MAPK6: variants seen among roughly 807,000 people sequenced by gnomAD.
MAPK6 encodes the protein mitogen-activated protein kinase 6.
In MAPK6, 19 loss-of-function variants were observed where a neutral mutation model predicts 59.3. The ratio of observed to expected loss-of-function variants is 0.32; its 90% CI spans 0.22 to 0.47. The LOEUF (loss-of-function observed/expected upper bound fraction) is 0.47, where lower values mean the gene tolerates loss of function less well. Ranked by LOEUF, MAPK6 falls within the 20% of genes least tolerant of loss-of-function variation. The pLI, the probability that MAPK6 is intolerant of heterozygous loss-of-function variation, is 1.00. For missense variants in MAPK6, 724 were observed against 847.9 expected (o/e 0.85, Z 1.81); for synonymous variants, 316 against 290.3 (o/e 1.09, Z -0.90).
chr15:52,035,182 C>T (rs2031195110), intron 1 of MAPK6, among the ~76,000 whole-genome samples: 1 of 152,234 alleles, frequency 6.6e-6, no homozygotes, highest in South Asian at 2.1e-4. Context: ...ATCTGTCTTA[C>T]ATTCTTTGAA....
chr15:51,975,101 G>A lies in MAPK6; in HGVS notation c.-880+3195G>A, dbSNP rs866357462. On this transcript the variant is annotated intron_variant, in intron 1 of 7. Coordinates refer to the MAPK6 transcript ENST00000691380. ...TCGTTCTTTCAGTTTTTGAAAGAAC[G>A]TTCTGCTTTCATAAGGTGAAGCTAG... 5.3e-5 allele frequency among the ~76,000 whole-genome samples: 8 copies of A among 151,792 alleles called. 1 individual carries two copies. The highest frequency in any genetic ancestry group is 1.7e-4 in the African/African-American group (7 of 41,414).
At position 52,000,667 on chromosome 15, in the gene MAPK6, A is replaced by G. The variant is rs374073217; in HGVS notation, c.-769-3598A>G. ...CTGAAAATACAAAAATTAGCCGGGCATGGTGCCACACACCTGTAGTCCCAG... is the reference window on the plus strand; with the variant it reads ...CTGAAAATACAAAAATTAGCCGGGCGTGGTGCCACACACCTGTAGTCCCAG... On this transcript the variant is annotated intron_variant, in intron 2 of 7. Coordinates refer to the MAPK6 transcript ENST00000691380. Among the ~76,000 whole-genome samples, 11 of 152,190 alleles carry G rather than the reference A, an allele frequency of 7.2e-5. No homozygotes were observed. In the East Asian group the frequency reaches 1.5e-3, roughly 21 times the overall value.
At chr15:52,016,062 GCGCGCGCGCACACACA>G (rs1219707666), upstream of MAPK6, among the ~76,000 whole-genome samples, 5 of 59,100 alleles carry the variant, frequency 8.5e-5, no homozygotes, top group East Asian at 4.6e-4. Context: ...TCGCGCGCGC[GCGCGCGCGCACACACA>G]CACACACACA....
intron 2 of MAPK6, among the ~76,000 whole-genome samples, chr15:52,049,351 ATTT>A (rs60965378): frequency 2.5e-4 from 27 of 109,724 alleles, no homozygotes; most frequent in Admixed American, 4.8e-4. Context: ...GAGTTATATA[ATTT>A]TTTTTTTTTT....
chr15:52,016,070 GCACACACACACACACA>G (rs1175427042), upstream of MAPK6, among the ~76,000 whole-genome samples: 24 of 55,444 alleles, frequency 4.3e-4, no homozygotes, highest in South Asian at 5.5e-3. Context: ...GCGCGCGCGC[GCACACACACACACACA>G]CACACACACA....
chr15:52,005,522 C>T (rs1191519760), intron 3 of MAPK6, among the ~76,000 whole-genome samples: 6 of 149,768 alleles, frequency 4.0e-5, no homozygotes, highest in African/African-American at 1.5e-4. Context: ...AGTGACATTC[C>T]ATCTCAAAAA....
chr15:52,050,627 C>G (rs953484185), intron 3 of MAPK6, among the ~76,000 whole-genome samples: 1 of 152,116 alleles, frequency 6.6e-6, no homozygotes, highest in Non-Finnish European at 1.5e-5. Flanking sequence ...TGTCATAAAG[C>G]AAAGCATAGG....
intron 3 of MAPK6, among the ~76,000 whole-genome samples, chr15:52,009,285 C>G (rs1351882002): frequency 6.6e-6 from 1 of 152,178 alleles, no homozygotes; most frequent in African/African-American, 2.4e-5. Flanking sequence ...CCAGGTTGTT[C>G]TCAAAATCTG....
intron 1 of MAPK6, among the ~76,000 whole-genome samples, chr15:52,044,308 G>T (rs778864895): frequency 7.2e-5 from 11 of 151,958 alleles, no homozygotes; most frequent in Non-Finnish European, 1.5e-4. Flanking sequence ...GCAGATACAA[G>T]ACCCGTTCTT....
At chr15:52,034,689 TTTTG>T (rs937887655) in intron 1 of MAPK6, among the ~76,000 whole-genome samples, 7 of 151,970 alleles carry the variant, frequency 4.6e-5, no homozygotes, top group African/African-American at 1.5e-4. Flanking sequence ...GCGTAGGTAT[TTTTG>T]TTTGTTTGTC....
chr15:52,034,344 C>G (rs1431205423), intron 1 of MAPK6, among the ~76,000 whole-genome samples: 2 of 151,390 alleles, frequency 1.3e-5, no homozygotes, highest in East Asian at 1.9e-4. Context: ...GAGACAGTCT[C>G]GCTCTGTTAC....
chr15:52,021,192 A>G (rs933132240), intron 1 of MAPK6, among the ~76,000 whole-genome samples: 12 of 152,222 alleles, frequency 7.9e-5, no homozygotes, highest in African/African-American at 2.2e-4. Context: ...AGTGCTTTAC[A>G]TAAATTCATT....
intron 5 of MAPK6, among the ~76,000 whole-genome samples, 174 bp downstream of exon 5, chr15:52,061,674 G>GGAGGCT (rs1470881216): frequency 6.6e-6 from 1 of 152,062 alleles, no homozygotes; most frequent in Non-Finnish European, 1.5e-5. Flanking sequence ...CTAGCTACTT[G>GGAGGCT]GAGGCTGAGG....
chr15:51,989,327 C>T (rs2057201211), intron 2 of MAPK6, among the ~76,000 whole-genome samples: 1 of 152,068 alleles, frequency 6.6e-6, no homozygotes, highest in Non-Finnish European at 1.5e-5. Flanking sequence ...GATCCGCCCG[C>T]CTCAGCCTCC....
intron 1 of MAPK6, among the ~76,000 whole-genome samples, chr15:51,975,179 C>A (rs1294956757): frequency 6.6e-6 from 1 of 151,888 alleles, no homozygotes; most frequent in Non-Finnish European, 1.5e-5. Context: ...AACAAAGATT[C>A]AATGAGGTTG....
chr15:51,991,146 T>TAC (rs141153685), intron 2 of MAPK6, among the ~76,000 whole-genome samples: 1,246 of 120,358 alleles, frequency 0.01, 7 homozygotes, highest in African/African-American at 0.019. Flanking sequence ...AATATATATA[T>TAC]ATACACACAC....
At chr15:51,977,981 T>C (rs531766081) in intron 1 of MAPK6, among the ~76,000 whole-genome samples, 23 of 151,976 alleles carry the variant, frequency 1.5e-4, no homozygotes, top group African/African-American at 5.5e-4. Context: ...TATTTTGTTA[T>C]GCAGCCTTAG....
intron 1 of MAPK6, among the ~76,000 whole-genome samples, chr15:52,036,583 T>C (rs2031248497): frequency 1.3e-5 from 2 of 152,166 alleles, no homozygotes; most frequent in Non-Finnish European, 2.9e-5. Context: ...CACCACTTAT[T>C]AGGCCCCACC....
At chr15:52,038,135 T>G (rs1279022750) in intron 1 of MAPK6, among the ~76,000 whole-genome samples, 2 of 144,002 alleles carry the variant, frequency 1.4e-5, no homozygotes, top group Admixed American at 1.5e-4. Context: ...AGTAATAATG[T>G]GTTCCTTTGA....
Sources: allele counts gnomAD v4.1 joint callset (sites outside exome capture counted in the v4.1 genomes callset), GRCh38; gene constraint gnomAD v4.1.1; transcripts MANE v1.5; gene names NCBI Gene and HGNC (gene_info 2026-07-23, HGNC 2026-07-21).